MACROD2: variants seen among roughly 807,000 people sequenced by gnomAD.
The protein encoded by MACROD2 is ADP-ribose glycohydrolase MACROD2.
In MACROD2, 36 loss-of-function variants were observed where a neutral mutation model predicts 70.4. The ratio of observed to expected loss-of-function variants is 0.51; its 90% confidence interval spans 0.39 to 0.68. The LOEUF (loss-of-function observed/expected upper bound fraction) is 0.68. Ranked by LOEUF, MACROD2 falls within the 30% of genes least tolerant of loss-of-function variation. The pLI, the probability that MACROD2 is intolerant of heterozygous loss-of-function variation, is 0.00. For synonymous variants in MACROD2, 172 were observed against 178.8 expected, an observed-to-expected ratio of 0.96 and a Z score of 0.30; for missense variants, 496 against 538.4, an observed-to-expected ratio of 0.92 and a Z score of 0.78.
chr20:14,121,486 G>T (rs1376539238), intron 3 of MACROD2, among the ~76,000 whole-genome samples: 1 of 152,162 alleles, frequency 6.6e-6, no homozygotes, highest in Admixed American at 6.5e-5. Context: ...TTGTAGGTTG[G>T]ACTCTGGAGG....
chr20:14,269,037 A>G (rs1210905007), intron 3 of MACROD2, among the ~76,000 whole-genome samples: 1 of 152,212 alleles, frequency 6.6e-6, no homozygotes, highest in Non-Finnish European at 1.5e-5. Context: ...GGAGCAAGCT[A>G]GTCTCTAAAC....
chr20:14,497,596 C>G (rs1399628899), intron 4 of MACROD2, among the ~76,000 whole-genome samples: 1 of 151,390 alleles, frequency 6.6e-6, no homozygotes. Context: ...CTGATAGAAC[C>G]CAAGCAGGAT....
chr20:14,932,455 A>G (rs538290623), intron 5 of MACROD2, among the ~76,000 whole-genome samples: 1 of 152,160 alleles, frequency 6.6e-6, no homozygotes, highest in Non-Finnish European at 1.5e-5. Context: ...AAACCTGTTA[A>G]AAGTTATCCA....
At chr20:14,106,307 C>T (rs1208207291) in intron 3 of MACROD2, among the ~76,000 whole-genome samples, 1 of 152,116 alleles carries the variant, frequency 6.6e-6, no homozygotes, top group Non-Finnish European at 1.5e-5. Flanking sequence ...GGGAGAGTCT[C>T]CTCTGCCTTT....
intron 5 of MACROD2, among the ~76,000 whole-genome samples, chr20:14,935,850 A>G: frequency 6.6e-6 from 1 of 152,132 alleles, no homozygotes; most frequent in South Asian, 2.1e-4. Flanking sequence ...TAATTTTACT[A>G]TTTGTATTTT....
rs537535974 is a variant in MACROD2 at position 15,280,313 on chromosome 20, C to CT, written c.540+50262dup. On this transcript the variant is annotated intron_variant, in intron 6 of 17. Coordinates refer to ENST00000684519, the MANE Select transcript of MACROD2 (RefSeq NM_001351661.2). ...GGCAAAAAGAAAACAAGGATGCAAA[C>CT]TTTTTTTTTTATTTTATATAATTAA... 2.9e-3 allele frequency among the ~76,000 whole-genome samples: 429 copies of CT among 149,274 alleles called. 3 individuals carry two copies. The highest frequency in any genetic ancestry group is 9.3e-3 in the African/African-American group (381 of 40,752).
chr20:14,758,374 C>G (rs1311943026), intron 5 of MACROD2, among the ~76,000 whole-genome samples: 1 of 152,054 alleles, frequency 6.6e-6, no homozygotes, highest in Non-Finnish European at 1.5e-5. Context: ...CAATTCCATG[C>G]CCAGAATGCT....
intron 7 of MACROD2, among the ~76,000 whole-genome samples, chr20:15,460,528 C>G (rs570719146): frequency 6.6e-6 from 1 of 152,286 alleles, no homozygotes; most frequent in South Asian, 2.1e-4. Flanking sequence ...TGGGTTTCTA[C>G]TGTGTGGGGA....
In MACROD2 at chr20:14,338,636, T is replaced by G. The variant is rs554197767; in HGVS notation, c.272-154843T>G. On this transcript the variant is annotated intron_variant, in intron 3 of 17. Transcript: ENST00000684519. ...ATAGAATATTTTCCTTTCTAAATGT[T>G]TTTGCTGATCTGAGCATGGGTTTAG... 2.8e-3 allele frequency among the ~76,000 whole-genome samples: 432 copies of G among 152,314 alleles called. 2 individuals are homozygous for G. The highest frequency in any genetic ancestry group is 9.7e-3 in the African/African-American group (405 of 41,580).
chr20:15,523,858 G>C (rs185043548), intron 8 of MACROD2, among the ~76,000 whole-genome samples: 5 of 152,270 alleles, frequency 3.3e-5, no homozygotes, highest in Non-Finnish European at 5.9e-5. Flanking sequence ...AGCTTGTGTA[G>C]CTATCATGTT....
intron 3 of MACROD2, among the ~76,000 whole-genome samples, chr20:14,122,052 A>G: frequency 6.6e-6 from 1 of 152,162 alleles, no homozygotes; most frequent in East Asian, 1.9e-4. Flanking sequence ...TAGGCTATCA[A>G]TAATATTACA....
chr20:14,993,392 C>A (rs2423908), intron 5 of MACROD2, among the ~76,000 whole-genome samples: 3,236 of 151,776 alleles, frequency 0.021, 67 homozygotes, highest in Admixed American at 0.047. Flanking sequence ...ACTTTTGATC[C>A]CAACCAATGA....
chr20:15,122,204 A>T (rs1431809203), intron 5 of MACROD2, among the ~76,000 whole-genome samples: 1 of 152,154 alleles, frequency 6.6e-6, no homozygotes, highest in Non-Finnish European at 1.5e-5. Flanking sequence ...CTGGCATTAA[A>T]ATGTTTTGAA....
At chr20:15,175,744 G>A (rs923714981) in intron 5 of MACROD2, among the ~76,000 whole-genome samples, 13 of 152,290 alleles carry the variant, frequency 8.5e-5, no homozygotes, top group African/African-American at 2.9e-4. Flanking sequence ...TGGCAGTGGC[G>A]GCCCATCTGG....
chr20:15,611,389 C>A (rs1289828877), intron 8 of MACROD2, among the ~76,000 whole-genome samples: 1 of 152,184 alleles, frequency 6.6e-6, no homozygotes, highest in Non-Finnish European at 1.5e-5. Flanking sequence ...GCTTCCTCTG[C>A]ACATCATTTA....
chr20:15,248,172 C>G (rs948247521), intron 6 of MACROD2, among the ~76,000 whole-genome samples: 4 of 152,164 alleles, frequency 2.6e-5, no homozygotes, highest in Non-Finnish European at 5.9e-5. Flanking sequence ...TTGAGGTCAG[C>G]GCATCTCACA....
intron 8 of MACROD2, among the ~76,000 whole-genome samples, chr20:15,554,617 T>C (rs796476164): frequency 2.0e-5 from 3 of 152,270 alleles, no homozygotes; most frequent in Admixed American, 6.5e-5. Context: ...TTATATAACT[T>C]GTATGCTTAG....
chr20:15,736,904 A>C (rs553565453), intron 8 of MACROD2, among the ~76,000 whole-genome samples: 1 of 152,306 alleles, frequency 6.6e-6, no homozygotes, highest in Non-Finnish European at 1.5e-5. Context: ...AAAGTCACAA[A>C]AGATTTTTGA....
Position 15,337,702 on chromosome 20 carries a change from C to CA in MACROD2, c.541-93694dup, listed in dbSNP as rs200063463. 7.7e-4 allele frequency among the ~76,000 whole-genome samples: 114 copies of CA among 147,430 alleles called. 4 individuals are homozygous for CA. The highest frequency in any genetic ancestry group is 2.6e-3 in the African/African-American group (102 of 39,758). ...CACCATGTTGTAATGTACAATAGGT[C>CA]AAAAAAAAAGAGAACAGTTCATGAA... On this transcript the variant is annotated intron_variant, in intron 6 of 17. Coordinates refer to ENST00000684519, the MANE Select transcript of MACROD2 (RefSeq NM_001351661.2).
Sources: gnomAD v4.1 joint callset for allele counts (sites outside exome capture counted in the v4.1 genomes callset) on GRCh38, gnomAD v4.1.1 for gene constraint, MANE v1.5 for transcripts, NCBI Gene and HGNC (gene_info 2026-07-23, HGNC 2026-07-21) for gene names.